ZNF846: variants seen among roughly 807,000 people sequenced by gnomAD.
The protein encoded by ZNF846 is zinc finger protein 846.
In ZNF846, 15 loss-of-function variants were observed where a neutral mutation model predicts 16.0. The observed-to-expected ratio is 0.94, with a 90% CI of 0.63 to 1.45. The LOEUF (loss-of-function observed/expected upper bound fraction) is 1.45. ZNF846 is among the 40% of genes most tolerant of loss of function. ZNF846 has a pLI of 0.00. For synonymous variants in ZNF846, 229 were observed against 212.0 expected, an observed-to-expected ratio of 1.08 and a Z score of -0.70; for missense variants, 714 against 622.3, an observed-to-expected ratio of 1.15 and a Z score of -1.57.
chr19:9,781,766 A>G (rs1311137722), intron 1 of ZNF846, among the ~76,000 whole-genome samples: 3 of 151,458 alleles, frequency 2.0e-5, no homozygotes, highest in Non-Finnish European at 4.4e-5. Flanking sequence ...GAAATTTCCC[A>G]AGGGCAAACA....
chr19:9,761,864 GCAGA>G (rs2045236287), intron 4 of ZNF846, among the ~76,000 whole-genome samples: 1 of 152,136 alleles, frequency 6.6e-6, no homozygotes, highest in Admixed American at 6.6e-5. Context: ...TTCAAATAAG[GCAGA>G]CAAACCTTTC....
intron 1 of ZNF846, among the ~76,000 whole-genome samples, chr19:9,782,379 C>G (rs969508): frequency 2.0e-5 from 3 of 152,158 alleles, no homozygotes; most frequent in African/African-American, 7.2e-5. Context: ...ATCCTCCAGC[C>G]TCAGCCTCCC....
intron 1 of ZNF846, among the ~76,000 whole-genome samples, chr19:9,767,394 C>T (rs916520891): frequency 1.3e-5 from 2 of 151,948 alleles, no homozygotes; most frequent in African/African-American, 4.8e-5. Context: ...CTCGGCCTCC[C>T]AAAGTGCCAG....
At chr19:9,778,312 T>C (rs2045467555) in intron 1 of ZNF846, among the ~76,000 whole-genome samples, 1 of 152,150 alleles carries the variant, frequency 6.6e-6, no homozygotes, top group Non-Finnish European at 1.5e-5. Context: ...ACTACAGGGA[T>C]TCAAAGGAGA....
intron 1 of ZNF846, among the ~76,000 whole-genome samples, chr19:9,775,586 T>C (rs187519271): frequency 2.0e-5 from 3 of 152,134 alleles, no homozygotes; most frequent in African/African-American, 7.2e-5. Context: ...CATGGATAAC[T>C]CACACCATTC....
At chr19:9,778,803 C>CAAAAAA (rs56001426) in intron 1 of ZNF846, among the ~76,000 whole-genome samples, 4 of 51,362 alleles carry the variant, frequency 7.8e-5, no homozygotes, top group African/African-American at 1.9e-4. Context: ...AAACTCGTCT[C>CAAAAAA]AAAAAAAAAA....
chr19:9,752,016 G>C (rs995920313), downstream of ZNF846: 2 of 152,226 alleles, frequency 1.3e-5, no homozygotes, highest in East Asian at 1.9e-4. Flanking sequence ...GCTCATGCCT[G>C]TAATCCCAGC....
At chr19:9,761,958 G>T in intron 4 of ZNF846, 124 bp downstream of exon 4, 2 of 699,178 alleles carry the variant, frequency 2.9e-6, no homozygotes, top group Non-Finnish European at 2.5e-6. Flanking sequence ...AAACCAAATG[G>T]CCTCAGCCTT....
At position 9,779,563 on chromosome 19, in the gene ZNF846, C is replaced by T. The variant is rs10419914; in HGVS notation, c.-86+6375G>A. Among the ~76,000 whole-genome samples, 1,286 of 148,680 alleles carry T rather than the reference C, an allele frequency of 8.6e-3. 11 individuals carry two copies. Among genetic ancestry groups the T allele is most frequent in the African/African-American group, 0.031 (1,240 of 40,264 alleles). ...GATTACAGGCATGAGCCACTGCACC[C>T]CACCAGAATTTTTTTTTTTTTTTTG... is the stretch of plus-strand genomic sequence containing the variant. On this transcript the variant is annotated intron_variant, in intron 1 of 4. Transcript: ENST00000586814.
downstream of ZNF846, among the ~76,000 whole-genome samples, chr19:9,749,546 CTTTTTT>C (rs60331343): frequency 8.0e-6 from 1 of 125,560 alleles, no homozygotes; most frequent in Admixed American, 8.4e-5. Context: ...ATAAGTCTTT[CTTTTTT>C]TTTTTTTTTT....
upstream of ZNF846, among the ~76,000 whole-genome samples, chr19:9,769,375 C>G (rs1308644488): frequency 6.6e-6 from 1 of 152,104 alleles, no homozygotes; most frequent in Non-Finnish European, 1.5e-5. Flanking sequence ...TGCCACCACG[C>G]CTGGCTAATT....
At chr19:9,781,956 T>C (rs1207296463) in intron 1 of ZNF846, among the ~76,000 whole-genome samples, 3 of 151,884 alleles carry the variant, frequency 2.0e-5, no homozygotes, top group Non-Finnish European at 4.4e-5. Flanking sequence ...TTTGTATTTT[T>C]AGTAGAGATG....
At chr19:9,756,307 GTA>G (rs1568319812), downstream of ZNF846, 2 of 141,598 alleles carry the variant, frequency 1.4e-5, no homozygotes, top group African/African-American at 2.7e-5. Context: ...ATACGTGTGT[GTA>G]TGTGTGTGTG....
upstream of ZNF846, among the ~76,000 whole-genome samples, chr19:9,770,762 G>A (rs974027075): frequency 2.6e-5 from 4 of 152,038 alleles, no homozygotes; most frequent in Admixed American, 6.6e-5. Context: ...CCAGCTTCTC[G>A]GGAGGCTGAG....
chr19:9,753,775 TTG>T (rs2045107113), downstream of ZNF846, among the ~76,000 whole-genome samples: 1 of 151,778 alleles, frequency 6.6e-6, no homozygotes, highest in Non-Finnish European at 1.5e-5. Context: ...AAATGGTACT[TTG>T]TGTTTCAGTC....
At chr19:9,758,610 G>A (rs1345564475) in exon 6 of ZNF846, 1 of 1,612,814 alleles carries the variant, frequency 6.2e-7, no homozygotes, top group Non-Finnish European at 8.5e-7. Flanking sequence ...AAAACTATGA[G>A]GAAAGTTCTT....
chr19:9,752,456 A>T (rs1405673576), intron 5 of ZNF846: 1 of 423,452 alleles, frequency 2.4e-6, no homozygotes, highest in Non-Finnish European at 4.8e-6. Flanking sequence ...AAAAAAAAAA[A>T]TACACAAAAT....
chr19:9,762,148 G>A (rs375059611), exon 4 of ZNF846: 29 of 1,613,882 alleles, frequency 1.8e-5, no homozygotes, highest in African/African-American at 1.3e-4. Flanking sequence ...ATGAGACTAC[G>A]TTTGAATAAT....
rs1161223088 is a variant in ZNF846 at position 9,783,526 on chromosome 19, TAAAAAAA to T, written c.-86+2405_-86+2411del. The stretch of plus-strand genomic sequence containing the variant: ...GGCAACATAGTGAGAGTCTCATCAC[TAAAAAAA>T]AAAAAAAAAAAATATATATATATAT... On this transcript the variant is annotated intron_variant, in intron 1 of 4. Transcript: ENST00000586814. Among the ~76,000 whole-genome samples, 3 of 106,184 alleles carry T rather than the reference TAAAAAAA, an allele frequency of 2.8e-5. No individual in the cohort carries two copies. The Admixed American group carries it at 3.2e-4, about 11-fold the overall frequency. The allele number at this position is 106,184 out of a possible 152,430, so 69.7% of individuals were successfully genotyped here. A position where few individuals can be genotyped will look rare whatever the true frequency, so the allele number is the denominator to read the frequency against.
Sources: gnomAD v4.1 joint callset for allele counts (sites outside exome capture counted in the v4.1 genomes callset) on GRCh38, gnomAD v4.1.1 for gene constraint, MANE v1.5 for transcripts, NCBI Gene and HGNC (gene_info 2026-07-23, HGNC 2026-07-21) for gene names.